The following KAT6A variants were observed in gnomAD, a reference collection of about 807,000 sequenced individuals.
KAT6A encodes the protein histone acetyltransferase KAT6A.
A neutral mutation model predicts 198.4 loss-of-function variants in KAT6A; 9 were observed. That is an observed-to-expected ratio of 0.05 (90% CI 0.03 to 0.08). KAT6A has a LOEUF of 0.08. Among genes scored for constraint, KAT6A ranks in the 10% least tolerant of loss-of-function variants. KAT6A has a pLI of 1.00. For missense variants in KAT6A, 2,077 were observed against 2,509.9 expected (o/e 0.83, Z 3.69); for synonymous variants, 890 against 883.0 (o/e 1.01, Z -0.14).
At chr8:41,979,825 A>G (rs922442851) in intron 5 of KAT6A, among the ~76,000 whole-genome samples, 8 of 152,110 alleles carry the variant, frequency 5.3e-5, no homozygotes, top group African/African-American at 1.9e-4. Context: ...ACATGGCAAA[A>G]CCCCATCTCT....
chr8:41,969,338 T>C (rs971605760), intron 8 of KAT6A, among the ~76,000 whole-genome samples: 1 of 152,184 alleles, frequency 6.6e-6, no homozygotes, highest in Non-Finnish European at 1.5e-5. Flanking sequence ...TGTCCTCTTA[T>C]CTAGTCAACA....
At chr8:41,984,456 C>T (rs1733391152) in intron 3 of KAT6A, among the ~76,000 whole-genome samples, 1 of 152,148 alleles carries the variant, frequency 6.6e-6, no homozygotes, top group South Asian at 2.1e-4. Flanking sequence ...GTAAATGAGC[C>T]ATCGTGGAAG....
chr8:41,930,661 A>T lies in KAT6A; in HGVS notation c.*1544T>A, dbSNP rs1257045283. 6.3e-6 allele frequency: 1 copy of T among 157,978 alleles called. No homozygotes were observed. The highest frequency in any genetic ancestry group is 1.3e-5 in the Non-Finnish European group (1 of 76,442). The allele number at this position is 157,978 out of a possible 1,614,324, so 9.8% of individuals were successfully genotyped here. On this transcript the variant is annotated 3_prime_UTR_variant, in exon 17 of 17. Transcript: ENST00000265713. Reference sequence around the variant, plus strand: ...GTATAATAGTTTCCATCTTCTAATGATGGAATATATATATATATATATGTG... The same window carrying T: ...GTATAATAGTTTCCATCTTCTAATGTTGGAATATATATATATATATATGTG...
intron 8 of KAT6A, among the ~76,000 whole-genome samples, chr8:41,958,799 T>TCA (rs755098309): frequency 7.9e-5 from 12 of 152,158 alleles, no homozygotes; most frequent in Non-Finnish European, 1.2e-4. Flanking sequence ...ACAAATAGTC[T>TCA]CACATCAGCT....
At chr8:42,044,352 C>T (rs913484376) in intron 2 of KAT6A, among the ~76,000 whole-genome samples, 5 of 151,904 alleles carry the variant, frequency 3.3e-5, no homozygotes, top group African/African-American at 4.8e-5. Flanking sequence ...ACCCCCCCCT[C>T]GGCATCCCAA....
chr8:42,047,979 C>T (rs757568611), intron 2 of KAT6A, among the ~76,000 whole-genome samples: 3 of 151,752 alleles, frequency 2.0e-5, no homozygotes, highest in Non-Finnish European at 4.4e-5. Flanking sequence ...AAATTCAAGT[C>T]TCCATGATTT....
chr8:42,002,729 A>C (rs1410655672), intron 2 of KAT6A, among the ~76,000 whole-genome samples: 1 of 152,222 alleles, frequency 6.6e-6, no homozygotes, highest in Non-Finnish European at 1.5e-5. Context: ...ATAACACTTC[A>C]CTAAATGCTA....
rs533903462 is a variant in KAT6A, at chr8:41,935,395, A to G, written c.3353-528T>C. 7.9e-5 allele frequency among the ~76,000 whole-genome samples: 12 copies of G among 152,320 alleles called. No individual in the cohort carries two copies. The South Asian group carries it at 2.5e-3, about 32-fold the overall frequency. The stretch of plus-strand genomic sequence containing the variant: ...AATTACTCTAGGCCATGACTGAGCC[A>G]TCGTATGTGAACAGTTGTTCAATTA... On this transcript the variant is annotated intron_variant, in intron 16 of 16. Coordinates refer to ENST00000265713, the MANE Select transcript of KAT6A (RefSeq NM_006766.5).
chr8:41,964,301 C>T (rs1284431880), intron 8 of KAT6A, among the ~76,000 whole-genome samples: 4 of 152,070 alleles, frequency 2.6e-5, no homozygotes, highest in African/African-American at 7.2e-5. Flanking sequence ...ATATATAATG[C>T]TGAATATAGT....
In KAT6A at chr8:41,934,535, TCTC is replaced by T. The variant is rs749689463; in HGVS notation, c.3682_3684del (p.Glu1228del). The T allele has an allele frequency of 1.2e-5, 19 of 1,613,638 alleles. No individual in the cohort carries two copies. The African/African-American group carries it at 1.9e-4, about 16-fold the overall frequency. On this transcript the variant is annotated inframe_deletion, in exon 17 of 17. Coordinates refer to ENST00000265713, the MANE Select transcript of KAT6A (RefSeq NM_006766.5). ...TCAGCCTCTTCTGCCTCTGCTTGCATCTCCTCCTCCTCCTTCCTCTCCTCGGGT... is the reference window on the plus strand; with the variant it reads ...TCAGCCTCTTCTGCCTCTGCTTGCATCTCCTCCTCCTTCCTCTCCTCGGGT...
At chr8:41,994,081 A>C (rs1412574963) in intron 2 of KAT6A, among the ~76,000 whole-genome samples, 1 of 152,226 alleles carries the variant, frequency 6.6e-6, no homozygotes. Context: ...GAGACAGAAA[A>C]TATGCCATAT....
chr8:41,969,549 A>G (rs148036336), intron 8 of KAT6A, among the ~76,000 whole-genome samples: 29 of 152,254 alleles, frequency 1.9e-4, no homozygotes, highest in African/African-American at 6.5e-4. Flanking sequence ...CCTAGCTAAC[A>G]TCTTCTCTCA....
intron 6 of KAT6A, 127 bp from the exon 7 acceptor site, chr8:41,977,454 C>G: frequency 1.7e-6 from 1 of 600,756 alleles, no homozygotes; most frequent in East Asian, 2.8e-5. Context: ...TAAGAATATT[C>G]TGCAAACTAT....
intron 2 of KAT6A, among the ~76,000 whole-genome samples, chr8:42,009,524 T>A (rs1451286286): frequency 6.6e-6 from 1 of 151,830 alleles, no homozygotes; most frequent in Admixed American, 6.6e-5. Flanking sequence ...AGACGACTAA[T>A]GGGTGCATGT....
chr8:42,049,092 T>C lies in KAT6A; in HGVS notation c.-115A>G, dbSNP rs939606012. On this transcript the variant is annotated 5_prime_UTR_variant, in exon 2 of 17. Transcript: ENST00000265713. ...CTGGGAACCAGTTAACCATAGCATA[T>C]GAGTTTTCTGGCCTAAGTCCTTCCT... 1.2e-5 allele frequency: 14 copies of C among 1,127,040 alleles called. 1 individual carries two copies. The highest frequency in any genetic ancestry group is 9.4e-5 in the East Asian group (4 of 42,412). 69.8% of individuals were successfully genotyped at this position (1,127,040 alleles called of 1,614,324 possible).
chr8:42,024,561 C>T (rs1011424583), intron 2 of KAT6A, among the ~76,000 whole-genome samples: 5 of 152,216 alleles, frequency 3.3e-5, no homozygotes, highest in East Asian at 1.9e-4. Flanking sequence ...TATGTTTGTA[C>T]CCATTAACCT....
rs556356459 is a variant in KAT6A, at chr8:42,025,208, T to TG, written c.600+23169_600+23170insC. 1.5e-4 allele frequency among the ~76,000 whole-genome samples: 23 copies of TG among 152,076 alleles called. 1 individual carries two copies. The South Asian group carries it at 2.9e-3, about 19-fold the overall frequency. ...AGATGATTAGTGATGCTGAGGTTTT[T>TG]TTTTGTTTTGTTTTGTTTTTGAGAT... On this transcript the variant is annotated intron_variant, in intron 2 of 16. Transcript: ENST00000265713.
chr8:42,042,849 A>G (rs1401135418), intron 2 of KAT6A, among the ~76,000 whole-genome samples: 1 of 152,250 alleles, frequency 6.6e-6, no homozygotes, highest in Non-Finnish European at 1.5e-5. Flanking sequence ...CAAACTATAT[A>G]TATTCAAGTA....
chr8:42,040,278 A>C (rs1587858427), intron 2 of KAT6A, among the ~76,000 whole-genome samples: 1 of 152,188 alleles, frequency 6.6e-6, no homozygotes, highest in African/African-American at 2.4e-5. Context: ...GCAAAGAAAA[A>C]ACGAGGTTAA....
Sources: allele counts gnomAD v4.1 joint callset (sites outside exome capture counted in the v4.1 genomes callset), GRCh38; gene constraint gnomAD v4.1.1; transcripts MANE v1.5; gene names NCBI Gene and HGNC (gene_info 2026-07-23, HGNC 2026-07-21).